RTEL1: variants seen among roughly 807,000 people sequenced by gnomAD.
The protein encoded by RTEL1 is regulator of telomere length.
RTEL1 carries 86 observed loss-of-function variants against 162.2 expected under a neutral mutation model. That is an observed-to-expected ratio of 0.53 (90% CI 0.45 to 0.63). RTEL1 has a LOEUF of 0.63. RTEL1 is among the 30% of genes least tolerant of loss of function. The pLI is 0.00. For synonymous variants in RTEL1, 958 were observed against 717.9 expected, an observed-to-expected ratio of 1.33 and a Z score of -5.35; for missense variants, 1,941 against 1,750.2, an observed-to-expected ratio of 1.11 and a Z score of -1.95.
In RTEL1 at chr20:63,679,963, G is replaced by A. The variant is rs1182140190; in HGVS notation, c.1135+17G>A. 11 of 1,588,750 alleles carry A rather than the reference G, an allele frequency of 6.9e-6. No individual in the cohort carries two copies. In the South Asian group the frequency reaches 1.1e-4, roughly 16 times the overall value. On this transcript the variant is annotated intron_variant, in intron 13 of 34. Coordinates refer to ENST00000360203, the MANE Select transcript of RTEL1 (RefSeq NM_001283009.2). Reference sequence around the variant, plus strand: ...TGGCAGGACGTGAGTGCTGGCACGGGGTCTTTGGTGCGGGCAAATGTGGCG... The same window carrying A: ...TGGCAGGACGTGAGTGCTGGCACGGAGTCTTTGGTGCGGGCAAATGTGGCG...
chr20:63,689,828 C>T lies in RTEL1; in HGVS notation c.2104C>T (p.Arg702Cys), dbSNP rs756398600. ...NQAIGRVIRH[R>C]QDYGAVFLCD... ...GGCCATCGGGCGAGTGATCCGGCACCGCCAGGACTACGGAGCTGTCTTCCT... is the reference window on the plus strand; with the variant it reads ...GGCCATCGGGCGAGTGATCCGGCACTGCCAGGACTACGGAGCTGTCTTCCT... Residue 702 changes from arginine to cysteine, a missense_variant, in exon 24 of 35, where the codon CGC becomes TGC. Arg to Cys is a radical substitution (Grantham distance 180). Coordinates refer to ENST00000360203, the MANE Select transcript of RTEL1 (RefSeq NM_001283009.2). 4.3e-6 allele frequency: 7 copies of T among 1,611,536 alleles called. No homozygotes were observed. The highest frequency in any genetic ancestry group is 4.5e-5 in the East Asian group (2 of 44,882).
intron 30 of RTEL1, among the ~76,000 whole-genome samples, chr20:63,693,615 ACCT>A (rs1568721189): frequency 2.3e-3 from 90 of 39,656 alleles, no homozygotes; most frequent in Middle Eastern, 0.028. Flanking sequence ...CACCACCTCC[ACCT>A]CCACCACCAC....
intron 15 of RTEL1, 63 bp from the exon 16 acceptor site, chr20:63,685,728 A>T: frequency 6.3e-7 from 1 of 1,588,190 alleles, no homozygotes; most frequent in Non-Finnish European, 8.6e-7. Flanking sequence ...TGGTCCTAAA[A>T]GGTAAGGGGC....
rs369341825 is a variant in RTEL1 at position 63,693,390 on chromosome 20, C to T, written c.2992+107C>T. Reference sequence around the variant, plus strand: ...CATCCTCGGGCCCTGCTTGGCCCCGCCTCTCTGTTCCCCTATGGGAGTGAT... The same window carrying T: ...CATCCTCGGGCCCTGCTTGGCCCCGTCTCTCTGTTCCCCTATGGGAGTGAT... On this transcript the variant is annotated intron_variant, in intron 30 of 34. Transcript: ENST00000360203. The T allele has an allele frequency of 1.2e-3, 1,652 of 1,369,736 alleles. 3 individuals carry two copies. The highest frequency in any genetic ancestry group is 1.4e-3 in the Non-Finnish European group (1,384 of 992,020). 84.8% of individuals were successfully genotyped at this position (1,369,736 alleles called of 1,614,324 possible).
At chr20:63,674,914 T>C (rs942073239) in intron 10 of RTEL1, among the ~76,000 whole-genome samples, 5 of 151,740 alleles carry the variant, frequency 3.3e-5, no homozygotes, top group South Asian at 2.1e-4. Context: ...TTCTTTCTTT[T>C]TTTTTTTTTT....
Position 63,694,437 on chromosome 20 carries a change from G to C in RTEL1, c.3058G>C (p.Glu1020Gln). 5 of 1,612,244 alleles carry C rather than the reference G, an allele frequency of 3.1e-6. No individual in the cohort carries two copies. The highest frequency in any genetic ancestry group is 4.2e-6 in the Non-Finnish European group (5 of 1,179,550). ...TAAAQQLDPQEHLNQGRPHLS... is the reference protein window; with the variant it reads ...TAAAQQLDPQQHLNQGRPHLS... ...TGCAGCCCAGCAGCTGGACCCCCAA[G>C]AGCACCTGAACCAGGGCAGGCCCCA... The change falls in exon 31 of 35, where the codon GAG (glutamate) becomes CAG (glutamine). Residue 1020 changes from glutamate (E) to glutamine (Q), a missense_variant. Transcript: ENST00000360203.
At chr20:63,694,233 A>G in intron 30 of RTEL1, 139 bp from the exon 31 acceptor site, 1 of 718,470 alleles carries the variant, frequency 1.4e-6, no homozygotes, top group Admixed American at 2.0e-5. Context: ...CCCAGCACCC[A>G]GGCGTGTACC....
rs903543484 is a variant in RTEL1 at position 63,682,030 on chromosome 20, A to G, written c.1191+1311A>G. The G allele has an allele frequency of 4.8e-5, 47 of 985,282 alleles. No individual in the cohort carries two copies. In the African/African-American group the frequency reaches 7.3e-4, roughly 15 times the overall value. The allele number at this position is 985,282 out of a possible 1,614,324, so 61.0% of individuals were successfully genotyped here. A position where few individuals can be genotyped will look rare whatever the true frequency, so the allele number is the denominator to read the frequency against. ...GGTCACTGCAAAGCACCTCCAGCAC[A>G]TGGCCAGGCGAGGTAGCCCTGCAGC... On this transcript the variant is annotated intron_variant, in intron 14 of 34. Transcript: ENST00000360203.
chr20:63,666,725 A>G (rs2146171976), intron 7 of RTEL1, among the ~76,000 whole-genome samples: 1 of 151,832 alleles, frequency 6.6e-6, no homozygotes, highest in Middle Eastern at 3.4e-3. Flanking sequence ...TTGTACAGAC[A>G]GGGTCTCACT....
chr20:63,667,998 C>A (rs541801717), intron 8 of RTEL1, among the ~76,000 whole-genome samples: 19 of 150,210 alleles, frequency 1.3e-4, no homozygotes, highest in Non-Finnish European at 2.8e-4. Context: ...AGTGCATGCC[C>A]GGCCCCACAC....
Position 63,695,197 on chromosome 20 carries a change from C to G in RTEL1, c.3475C>G (p.Leu1159Val). Residue 1159 changes from leucine to valine, a missense_variant, in exon 33 of 35, where the codon CTT (leucine) becomes GTT (valine). Physicochemically the swap from Leu to Val is conservative, Grantham distance 32. Transcript: ENST00000360203. ...GGAGAGGCTTGCCGTGCCTCCTGTG[C>G]TTACCCACAGGGCTCCCCAACCAGG... is the stretch of plus-strand genomic sequence containing the variant. ...QEERLAVPPV[L>V]THRAPQPGPS... 6.2e-7 allele frequency: 1 copy of G among 1,612,160 alleles called. No individual in the cohort carries two copies. The highest frequency in any genetic ancestry group is 8.5e-7 in the Non-Finnish European group (1 of 1,179,798).
chr20:63,693,352 T>A (rs916340599), intron 30 of RTEL1, 69 bp downstream of exon 30: 4 of 1,582,936 alleles, frequency 2.5e-6, no homozygotes, highest in South Asian at 1.1e-5. Flanking sequence ...AGTCCTGGGC[T>A]GCTTGGGGTG....
chr20:63,658,419 C>T lies in RTEL1; in HGVS notation c.-218C>T, dbSNP rs1056466764. 4 of 152,462 alleles carry T rather than the reference C, an allele frequency of 2.6e-5. No individual in the cohort carries two copies. The highest frequency in any genetic ancestry group is 1.9e-4 in the East Asian group (1 of 5,322). 9.4% of individuals were successfully genotyped at this position (152,462 alleles called of 1,614,324 possible). ...GCCCTCGACTGGAGTCGGTTGAGTTCCTGAGGGACCCCGGTTCTGGAAGGT... is the reference window on the plus strand; with the variant it reads ...GCCCTCGACTGGAGTCGGTTGAGTTTCTGAGGGACCCCGGTTCTGGAAGGT... On this transcript the variant is annotated 5_prime_UTR_variant, in exon 1 of 35. Coordinates refer to ENST00000360203, the MANE Select transcript of RTEL1 (RefSeq NM_001283009.2).
chr20:63,687,886 A>G (rs747170043), intron 17 of RTEL1, 51 bp from the exon 18 acceptor site: 52 of 1,602,836 alleles, frequency 3.2e-5, no homozygotes, highest in Middle Eastern at 1.7e-4. Context: ...TCGAGGGCTA[A>G]AGGGGTGCTG....
rs1568717219 is a variant in RTEL1, at chr20:63,692,854, T to C, written c.2702T>C (p.Val901Ala). ...ACGGACAGGGCCAAGCTCTTCATGG[T>C]GGCCGTGAAGCAGGAGTTGAGCCAA... ...AQTDRAKLFM[V>A]AVKQELSQAN... The change falls in exon 29 of 35, where the codon GTG (valine) becomes GCG (alanine). Residue 901 changes from valine to alanine, a missense_variant. Coordinates refer to ENST00000360203, the MANE Select transcript of RTEL1 (RefSeq NM_001283009.2). The C allele has an allele frequency of 1.2e-6, 2 of 1,612,656 alleles. No individual in the cohort carries two copies. The highest frequency in any genetic ancestry group is 8.5e-7 in the Non-Finnish European group (1 of 1,179,862).
chr20:63,662,369 T>C, intron 4 of RTEL1, 177 bp from the exon 5 acceptor site: 1 of 1,304,480 alleles, frequency 7.7e-7, no homozygotes, highest in Non-Finnish European at 1.1e-6. Context: ...CTCCTCCCTC[T>C]GTCCAGTACC....
At chr20:63,684,223 A>G (rs1282504805) in intron 14 of RTEL1, among the ~76,000 whole-genome samples, 1 of 152,094 alleles carries the variant, frequency 6.6e-6, no homozygotes, top group Admixed American at 6.5e-5. Context: ...CCAGCACGCC[A>G]CACCGGTGGT....
chr20:63,694,580 C>T, intron 31 of RTEL1, 92 bp downstream of exon 31: 1 of 1,285,334 alleles, frequency 7.8e-7, no homozygotes, highest in Non-Finnish European at 1.1e-6. Context: ...CGGGGCTGCC[C>T]CTGTGGGGAG....
chr20:63,684,400 C>A (rs1460922373), intron 14 of RTEL1, among the ~76,000 whole-genome samples: 1 of 152,226 alleles, frequency 6.6e-6, no homozygotes, highest in Non-Finnish European at 1.5e-5. Context: ...GTTGCCCAGG[C>A]TGGAGTGCAG....
Sources: gnomAD v4.1 joint callset for allele counts (sites outside exome capture counted in the v4.1 genomes callset) on GRCh38, gnomAD v4.1.1 for gene constraint, MANE v1.5 for transcripts, NCBI Gene and HGNC (gene_info 2026-07-23, HGNC 2026-07-21) for gene names.